The following USP30 variants were observed in gnomAD, a reference collection of about 807,000 sequenced individuals.
USP30 encodes the protein ubiquitin specific peptidase 30, also known as ubiquitin carboxyl-terminal hydrolase 30.
USP30 carries 41 observed loss-of-function variants against 68.2 expected under a neutral mutation model. The ratio of observed to expected loss-of-function variants is 0.60; its 90% CI spans 0.47 to 0.78. USP30 has a LOEUF of 0.78. Ranked by LOEUF, USP30 falls within the 30% of genes least tolerant of loss-of-function variation. The pLI is 0.00. For synonymous variants in USP30, 229 were observed against 253.7 expected (o/e 0.90, Z 0.93); for missense variants, 522 against 649.4 (o/e 0.80, Z 2.13).
intron 7 of USP30, among the ~76,000 whole-genome samples, chr12:109,073,960 G>A (rs183153076): frequency 3.3e-5 from 5 of 152,026 alleles, no homozygotes; most frequent in South Asian, 2.1e-4. Flanking sequence ...TACTGACTCC[G>A]GGATCAGTCA....
chr12:109,053,790 C>G (rs562517857), intron 1 of USP30: 2 of 271,094 alleles, frequency 7.4e-6, no homozygotes, highest in African/African-American at 2.3e-5. Context: ...AAAGTCGCCA[C>G]TTGTCCCTGG....
At chr12:109,075,918 T>G (rs1474753465) in intron 7 of USP30, among the ~76,000 whole-genome samples, 1 of 151,896 alleles carries the variant, frequency 6.6e-6, no homozygotes, top group Non-Finnish European at 1.5e-5. Context: ...AGTATTCAAT[T>G]TTGGATATTA....
At position 109,052,770 on chromosome 12, in the gene USP30, T is replaced by C; in HGVS notation, c.83+9T>C. ...ACCGGGGCGGCCGTCAGGTGAGATT[T>C]TGGGGGGCGGGGCTGCCGAAGAGGC... On this transcript the variant is annotated intron_variant, in intron 1 of 12. Transcript: ENST00000257548. The C allele has an allele frequency of 6.9e-7, 1 of 1,444,564 alleles. No individual in the cohort carries two copies. Among genetic ancestry groups the C allele is most frequent in the East Asian group, 2.8e-5 (1 of 36,344 alleles). 89.5% of individuals were successfully genotyped at this position (1,444,564 alleles called of 1,614,324 possible). A position where few individuals can be genotyped will look rare whatever the true frequency, so the allele number is the denominator to read the frequency against.
chr12:109,064,867 T>G, intron 3 of USP30, among the ~76,000 whole-genome samples: 1 of 139,554 alleles, frequency 7.2e-6, no homozygotes, highest in South Asian at 2.6e-4. Context: ...CTTTGGGGGG[T>G]AGTTGGTGGG....
At chr12:109,056,846 T>C (rs1014981917) in intron 2 of USP30, 55 bp downstream of exon 2, 6 of 1,292,044 alleles carry the variant, frequency 4.6e-6, no homozygotes, top group African/African-American at 1.5e-5. Flanking sequence ...ATCCCTGTTA[T>C]CTGAAAACAG....
chr12:109,085,645 G>A, intron 12 of USP30, 22 bp from the exon 13 acceptor site: 2 of 1,610,448 alleles, frequency 1.2e-6, no homozygotes, highest in Non-Finnish European at 1.7e-6. Flanking sequence ...GTAAACCCCT[G>A]ACATGTGTTC....
At chr12:109,052,808 C>T (rs750451196) in intron 1 of USP30, 47 bp downstream of exon 1, 3 of 1,406,620 alleles carry the variant, frequency 2.1e-6, no homozygotes, top group East Asian at 2.8e-5. Flanking sequence ...GGACCAGGGT[C>T]CCCAGCTTGG....
At chr12:109,065,038 G>A (rs1370716744) in intron 3 of USP30, among the ~76,000 whole-genome samples, 2 of 152,160 alleles carry the variant, frequency 1.3e-5, no homozygotes, top group Non-Finnish European at 2.9e-5. Context: ...GTGAAAGCAA[G>A]TTTATTAAGA....
rs749364866 is a variant in USP30, at chr12:109,052,643, C to T, written c.-36C>T. ...GGTCCGGCGGCGGCGGCGGCGGTAGCGGAGGAGACGGTTTCAGGCCTCCGG... is the reference window on the plus strand; with the variant it reads ...GGTCCGGCGGCGGCGGCGGCGGTAGTGGAGGAGACGGTTTCAGGCCTCCGG... On this transcript the variant is annotated 5_prime_UTR_variant, in exon 1 of 13. Transcript: ENST00000257548. 1.4e-6 allele frequency: 2 copies of T among 1,462,446 alleles called. No homozygotes were observed. Among genetic ancestry groups the T allele is most frequent in the South Asian group, 1.3e-5 (1 of 75,490 alleles). The allele number at this position is 1,462,446 out of a possible 1,614,324, so 90.6% of individuals were successfully genotyped here. A position where few individuals can be genotyped will look rare whatever the true frequency, so the allele number is the denominator to read the frequency against.
chr12:109,082,796 C>G, intron 10 of USP30, 47 bp from the exon 11 acceptor site: 1 of 1,609,856 alleles, frequency 6.2e-7, no homozygotes, highest in Non-Finnish European at 8.5e-7. Context: ...TCCGTGTATC[C>G]TGCCCCTGAA....
chr12:109,054,892 G>C (rs1461111368), intron 1 of USP30: 1 of 152,166 alleles, frequency 6.6e-6, no homozygotes, highest in Non-Finnish European at 1.5e-5. Context: ...ATGATACTAA[G>C]AAATGCTGAT....
At chr12:109,062,830 C>G (rs2041119481) in intron 3 of USP30, among the ~76,000 whole-genome samples, 1 of 152,154 alleles carries the variant, frequency 6.6e-6, no homozygotes, top group African/African-American at 2.4e-5. Flanking sequence ...CTTCATCATC[C>G]CGTACTGAAA....
At chr12:109,024,483 C>T (rs1237444257) in intron 1 of USP30, among the ~76,000 whole-genome samples, 3 of 152,012 alleles carry the variant, frequency 2.0e-5, no homozygotes, top group Admixed American at 6.6e-5. Context: ...GCCTCAAACT[C>T]GTGAGCTCAA....
At chr12:109,055,394 ATATATAT>A (rs1160158815) in intron 1 of USP30, among the ~76,000 whole-genome samples, 2 of 49,108 alleles carry the variant, frequency 4.1e-5, no homozygotes, top group African/African-American at 1.5e-4. Flanking sequence ...ATATATATAT[ATATATAT>A]TTTTTTTTTT....
intron 7 of USP30, among the ~76,000 whole-genome samples, chr12:109,079,164 A>G (rs1215744287): frequency 1.3e-5 from 2 of 151,926 alleles, no homozygotes; most frequent in East Asian, 3.8e-4. Context: ...TTTTTTCAAC[A>G]AAGATTTTAT....
intron 3 of USP30, among the ~76,000 whole-genome samples, chr12:109,044,988 CTTTT>C (rs34418635): frequency 1.1e-4 from 11 of 100,184 alleles, no homozygotes; most frequent in Non-Finnish European, 2.2e-4. Context: ...GGTCAAACAT[CTTTT>C]TTTTTTTTTT....
chr12:109,049,623 T>A (rs2040640472), upstream of USP30, among the ~76,000 whole-genome samples: 1 of 151,788 alleles, frequency 6.6e-6, no homozygotes, highest in African/African-American at 2.4e-5. Context: ...GAAACCAGCC[T>A]GGCCAACACA....
intron 4 of USP30, 85 bp downstream of exon 4, chr12:109,067,712 A>G: frequency 8.5e-7 from 1 of 1,176,398 alleles, no homozygotes; most frequent in East Asian, 2.4e-5. Context: ...GCCTGGCCCC[A>G]GTGTACATTT....
At chr12:109,062,245 T>C (rs948609137) in intron 3 of USP30, among the ~76,000 whole-genome samples, 1 of 152,038 alleles carries the variant, frequency 6.6e-6, no homozygotes, top group African/African-American at 2.4e-5. Flanking sequence ...TGTATATTGT[T>C]TTGTTCTGTT....
Sources: gnomAD v4.1 joint callset for allele counts (sites outside exome capture counted in the v4.1 genomes callset) on GRCh38, gnomAD v4.1.1 for gene constraint, MANE v1.5 for transcripts, NCBI Gene and HGNC (gene_info 2026-07-23, HGNC 2026-07-21) for gene names.